TRPM2: variants seen among roughly 807,000 people sequenced by gnomAD.
The protein encoded by TRPM2 is transient receptor potential cation channel subfamily M member 2.
A neutral mutation model predicts 174.0 loss-of-function variants in TRPM2; 161 were observed. The observed-to-expected ratio is 0.93, with a 90% CI of 0.81 to 1.05. TRPM2 has a LOEUF of 1.05. TRPM2 is among the 50% of genes least tolerant of loss of function. The probability of loss-of-function intolerance (pLI) is 0.00; values close to 1 mark genes in which losing one functional copy is unlikely to be tolerated. For synonymous variants in TRPM2, 954 were observed against 861.3 expected (o/e 1.11, Z -1.88); for missense variants, 2,057 against 2,038.0 (o/e 1.01, Z -0.18).
chr21:44,406,492 CTG>C lies in TRPM2; in HGVS notation c.2791-99_2791-98del, dbSNP rs1340365699. On this transcript the variant is annotated intron_variant, in intron 18 of 31. Coordinates refer to ENST00000397928, the MANE Select transcript of TRPM2 (RefSeq NM_003307.4). Reference sequence around the variant, plus strand: ...GAGCCTCCTGCATGCCGTGTCTGTGCTGTGAGTGGCAGTGCTGTCTCCACCGC... The same window carrying C: ...GAGCCTCCTGCATGCCGTGTCTGTGCTGAGTGGCAGTGCTGTCTCCACCGC... 4 of 1,373,414 alleles carry C rather than the reference CTG, an allele frequency of 2.9e-6. No homozygotes were observed. In the African/African-American group the frequency reaches 5.7e-5, roughly 20 times the overall value. 85.1% of individuals were successfully genotyped at this position (1,373,414 alleles called of 1,614,324 possible).
intron 9 of TRPM2, among the ~76,000 whole-genome samples, chr21:44,385,759 A>G (rs1385425385): frequency 2.0e-5 from 3 of 152,174 alleles, no homozygotes; most frequent in African/African-American, 7.2e-5. Flanking sequence ...TGGAAGATGA[A>G]GGGGAAGAAA....
intron 7 of TRPM2, among the ~76,000 whole-genome samples, chr21:44,378,517 C>T (rs996190088): frequency 6.6e-6 from 1 of 152,134 alleles, no homozygotes; most frequent in Non-Finnish European, 1.5e-5. Flanking sequence ...TCTGCTGGGG[C>T]GGCTGCACCC....
rs943120297 is a variant in TRPM2, at chr21:44,438,512, G to A, written c.4168-555G>A. On this transcript the variant is annotated intron_variant, in intron 29 of 31. Transcript: ENST00000397928. This position sits in a 1 kb window ranked among gnomAD's most constrained non-coding sequence, Gnocchi z 5.9. Reference sequence around the variant, plus strand: ...AAGTCTTCATGAGAAACCCACGGGTGTTTCAGTGGGACTTTGAATGACAAA... The same window carrying A: ...AAGTCTTCATGAGAAACCCACGGGTATTTCAGTGGGACTTTGAATGACAAA... Among the ~76,000 whole-genome samples, 4 of 152,194 alleles carry A rather than the reference G, an allele frequency of 2.6e-5. No individual in the cohort carries two copies. Among genetic ancestry groups the A allele is most frequent in the Non-Finnish European group, 5.9e-5 (4 of 68,030 alleles).
rs1223344594 is a variant in TRPM2 at position 44,391,167 on chromosome 21, C to A, written c.1441-105C>A. ...GGTGACCTGGGCAGCTTTCATCCTC[C>A]CCAGGTTGGGGACAACAGCAGCCCC... On this transcript the variant is annotated intron_variant, in intron 10 of 31. Transcript: ENST00000397928. This position sits in a 1 kb window ranked among gnomAD's most constrained non-coding sequence, Gnocchi z 5.0. 7 of 1,540,604 alleles carry A rather than the reference C, an allele frequency of 4.5e-6. No homozygotes were observed. Among genetic ancestry groups the A allele is most frequent in the Non-Finnish European group, 6.2e-6 (7 of 1,133,380 alleles).
At chr21:44,425,391 G>C (rs994213153) in intron 24 of TRPM2, 2 of 431,386 alleles carry the variant, frequency 4.6e-6, no homozygotes, top group Non-Finnish European at 8.2e-6. Flanking sequence ...ATTTGCCCTC[G>C]TAACCGCACT....
intron 9 of TRPM2, among the ~76,000 whole-genome samples, chr21:44,383,567 A>C (rs1184367607): frequency 1.3e-5 from 2 of 152,224 alleles, no homozygotes; most frequent in African/African-American, 4.8e-5. Context: ...GATGTTGTGC[A>C]TAAAACCTCA....
chr21:44,369,135 C>T, intron 4 of TRPM2, 42 bp from the exon 5 acceptor site: 2 of 1,543,204 alleles, frequency 1.3e-6, no homozygotes, highest in Non-Finnish European at 1.8e-6. Context: ...GTCAGGTGCC[C>T]CTCAGTGCTG....
Position 44,366,933 on chromosome 21 carries a change from A to T in TRPM2, c.603A>T (p.Thr201=). The T allele has an allele frequency of 6.3e-6, 10 of 1,579,960 alleles. No individual in the cohort carries two copies. The highest frequency in any genetic ancestry group is 8.6e-6 in the Non-Finnish European group (10 of 1,159,228). ...RRGLVKVAQT[T]GAWIITGGSH... ...GCCTGGTCAAGGTGGCTCAGACCAC[A>T]GGTAACTCGGAGGCTGGAGGGACAC... Residue 201 remains threonine, a splice_region_variant and synonymous_variant, in exon 4 of 32, where the codon ACA becomes ACT. Coordinates refer to ENST00000397928, the MANE Select transcript of TRPM2 (RefSeq NM_003307.4). This position sits in a 1 kb window ranked among gnomAD's most constrained non-coding sequence, Gnocchi z 6.0.
Position 44,441,861 on chromosome 21 carries a change from C to A in TRPM2, c.*44C>A. On this transcript the variant is annotated 3_prime_UTR_variant, in exon 32 of 32. Coordinates refer to ENST00000397928, the MANE Select transcript of TRPM2 (RefSeq NM_003307.4). ...CGGCTCCAGTCCATAGACGTTCCCC[C>A]CAGAAACCAGGGCTTCTCTCTCCTG... The A allele has an allele frequency of 6.5e-7, 1 of 1,546,718 alleles. No homozygotes were observed.
At position 44,430,676 on chromosome 21, in the gene TRPM2, G is replaced by A. The variant is rs1207413902; in HGVS notation, c.3974+3565G>A. On this transcript the variant is annotated intron_variant, in intron 27 of 31. Coordinates refer to ENST00000397928, the MANE Select transcript of TRPM2 (RefSeq NM_003307.4). ...GATCTTCTGACCTCATGATCCACCCGCCTCGGCCTCCCAAAGTGCTGGGAT... is the reference window on the plus strand; with the variant it reads ...GATCTTCTGACCTCATGATCCACCCACCTCGGCCTCCCAAAGTGCTGGGAT... Among the ~76,000 whole-genome samples, 2 of 7,932 alleles carry A rather than the reference G, an allele frequency of 2.5e-4. 1 individual carries two copies. The highest frequency in any genetic ancestry group is 1.1e-3 in the African/African-American group (2 of 1,760). The allele number at this position is 7,932 out of a possible 152,430, so 5.2% of individuals were successfully genotyped here.
At chr21:44,406,451 C>A (rs2146300176) in intron 18 of TRPM2, 143 bp from the exon 19 acceptor site, 2 of 1,036,806 alleles carry the variant, frequency 1.9e-6, no homozygotes, top group Non-Finnish European at 2.7e-6. Context: ...GGGGGCAGCC[C>A]CAGGACTGCT....
chr21:44,380,457 A>G (rs1033333759), intron 8 of TRPM2, among the ~76,000 whole-genome samples: 1 of 152,098 alleles, frequency 6.6e-6, no homozygotes, highest in Non-Finnish European at 1.5e-5. Flanking sequence ...TATTCAGGCA[A>G]TTCTCAGAAC....
Position 44,420,531 on chromosome 21 carries a change from G to A in TRPM2, c.3461+1976G>A, listed in dbSNP as rs115454214. 6.7e-3 allele frequency among the ~76,000 whole-genome samples: 1,017 copies of A among 152,316 alleles called. 12 individuals are homozygous for A. The highest frequency in any genetic ancestry group is 0.023 in the African/African-American group (973 of 41,572). ...GTCTCCAGGCCTGCTCAGCCCTGAC[G>A]TTTGGCTCTGATGGTCCACTTACAG... On this transcript the variant is annotated intron_variant, in intron 22 of 31. Transcript: ENST00000397928.
intron 22 of TRPM2, among the ~76,000 whole-genome samples, chr21:44,420,530 C>T (rs1002922301): frequency 6.6e-6 from 1 of 152,206 alleles, no homozygotes; most frequent in African/African-American, 2.4e-5. Flanking sequence ...TCAGCCCTGA[C>T]GTTTGGCTCT....
intron 16 of TRPM2, among the ~76,000 whole-genome samples, chr21:44,404,395 GCA>G (rs2049787707): frequency 6.6e-6 from 1 of 151,308 alleles, no homozygotes; most frequent in Non-Finnish European, 1.5e-5. Context: ...ACACATATGT[GCA>G]CACATACATA....
Position 44,370,217 on chromosome 21 carries a change from G to A in TRPM2, c.771+874G>A, listed in dbSNP as rs541219861. Among the ~76,000 whole-genome samples the A allele has an allele frequency of 2.6e-5, 4 of 152,240 alleles. No individual in the cohort carries two copies. The East Asian group carries it at 7.7e-4, about 29-fold the overall frequency. ...GAGGGGGCGTGGCCAGCAGGCAGCT[G>A]GGTGGGGCTGAGCCAGGGCGATCCG... On this transcript the variant is annotated intron_variant, in intron 5 of 31. Coordinates refer to ENST00000397928, the MANE Select transcript of TRPM2 (RefSeq NM_003307.4).
intron 24 of TRPM2, chr21:44,425,466 A>G (rs1601235002): frequency 2.0e-6 from 1 of 507,414 alleles, no homozygotes; most frequent in Non-Finnish European, 3.3e-6. Context: ...GCCGGCGGGG[A>G]CGCTGCCTGA....
At position 44,438,044 on chromosome 21, in the gene TRPM2, G is replaced by C. The variant is rs142423641; in HGVS notation, c.4167+877G>C. ...TGGCTGCCTCTGCTGCTGTGGGAGTGTGTGTGCCACCACGGTGTGCAGGGC... is the reference window on the plus strand; with the variant it reads ...TGGCTGCCTCTGCTGCTGTGGGAGTCTGTGTGCCACCACGGTGTGCAGGGC... On this transcript the variant is annotated intron_variant, in intron 29 of 31. Transcript: ENST00000397928. The surrounding 1 kb of genome is among the most constrained non-coding windows in gnomAD (Gnocchi z 5.9). Among the ~76,000 whole-genome samples, 1 of 152,378 alleles carries C rather than the reference G, an allele frequency of 6.6e-6. No homozygotes were observed. The highest frequency in any genetic ancestry group is 1.5e-5 in the Non-Finnish European group (1 of 68,030).
At chr21:44,417,530 T>G (rs369486214) in intron 20 of TRPM2, among the ~76,000 whole-genome samples, 14 of 71,188 alleles carry the variant, frequency 2.0e-4, no homozygotes, top group East Asian at 1.7e-3. Flanking sequence ...TGTGGCATCA[T>G]AGTGGGCACG....
Sources: allele counts gnomAD v4.1 joint callset (sites outside exome capture counted in the v4.1 genomes callset), GRCh38; gene constraint gnomAD v4.1.1; non-coding constraint Gnocchi (gnomAD v3.1); transcripts MANE v1.5; gene names NCBI Gene and HGNC (gene_info 2026-07-23, HGNC 2026-07-21).